The following TPCN1 variants were observed in gnomAD, a reference collection of about 807,000 sequenced individuals.
The protein encoded by TPCN1 is two pore segment channel 1.
TPCN1 carries 52 observed loss-of-function variants against 108.8 expected under a neutral mutation model. That is an observed-to-expected ratio of 0.48 (90% CI 0.38 to 0.60). TPCN1 has a LOEUF of 0.60. TPCN1 is among the 20% of genes least tolerant of loss of function. The pLI, the probability that TPCN1 is intolerant of heterozygous loss-of-function variation, is 0.00. For missense variants in TPCN1, 806 were observed against 1,072.8 expected (o/e 0.75, Z 3.47); for synonymous variants, 446 against 433.7 (o/e 1.03, Z -0.35).
intron 2 of TPCN1, among the ~76,000 whole-genome samples, chr12:113,242,111 G>C (rs1954162188): frequency 6.6e-6 from 1 of 152,236 alleles, no homozygotes; most frequent in African/African-American, 2.4e-5. Flanking sequence ...AGGAGGATTA[G>C]ACAATAAAAA....
chr12:113,274,254 A>T (rs745406589), intron 10 of TPCN1, among the ~76,000 whole-genome samples: 1 of 152,144 alleles, frequency 6.6e-6, no homozygotes, highest in Non-Finnish European at 1.5e-5. Context: ...GGAGTTCGAG[A>T]CCAGCCTGGC....
chr12:113,295,647 G>A (rs1261274845), intron 27 of TPCN1, among the ~76,000 whole-genome samples: 1 of 152,062 alleles, frequency 6.6e-6, no homozygotes, highest in Non-Finnish European at 1.5e-5. Context: ...CACTCGGGGG[G>A]CCCTTTAGTG....
rs1180597592 is a variant in TPCN1 at position 113,269,788 on chromosome 12, C to T, written c.691C>T (p.Pro231Ser). 2 of 1,613,996 alleles carry T rather than the reference C, an allele frequency of 1.2e-6. No individual in the cohort carries two copies. Among genetic ancestry groups the T allele is most frequent in the South Asian group, 1.1e-5 (1 of 91,084 alleles). The change falls in exon 7 of 28, where the codon CCC (proline) becomes TCC (serine). Residue 231 changes from proline (P) to serine (S), a missense_variant. Physicochemically the swap from Pro to Ser is moderately conservative, Grantham distance 74 (BLOSUM62 -1). Coordinates refer to ENST00000335509, the MANE Select transcript of TPCN1 (RefSeq NM_017901.6). The surrounding 1 kb of genome is among the most constrained non-coding windows in gnomAD (Gnocchi z 5.0). ...GCGGCAGATCTTCCAGTCCCTGCCG[C>T]CCTTCATGGACATCCTCCTGCTGCT... ...NLRQIFQSLP[P>S]FMDILLLLLF...
chr12:113,248,957 G>T (rs193069964), intron 2 of TPCN1, among the ~76,000 whole-genome samples: 1 of 152,216 alleles, frequency 6.6e-6, no homozygotes, highest in African/African-American at 2.4e-5. Context: ...CCACAGTGTG[G>T]CAGGGGAGCT....
At chr12:113,281,621 C>G (rs1242282888) in intron 15 of TPCN1, among the ~76,000 whole-genome samples, 3 of 152,154 alleles carry the variant, frequency 2.0e-5, no homozygotes, top group Admixed American at 6.5e-5. Context: ...TCACTGCAGC[C>G]TTGACCTCCC....
intron 22 of TPCN1, among the ~76,000 whole-genome samples, chr12:113,290,506 G>T (rs1250626505): frequency 6.6e-6 from 1 of 152,182 alleles, no homozygotes; most frequent in Non-Finnish European, 1.5e-5. Context: ...CCTTAGCTGG[G>T]CGGGGTCCCC....
At position 113,266,337 on chromosome 12, in the gene TPCN1, C is replaced by A. The variant is rs117386743; in HGVS notation, c.395C>A (p.Ala132Glu). 2.7e-3 allele frequency: 4,407 copies of A among 1,608,748 alleles called. 11 individuals carry two copies. The highest frequency in any genetic ancestry group is 3.3e-3 in the Non-Finnish European group (3,916 of 1,179,976). The change falls in exon 4 of 28, where the codon GCA becomes GAA. Residue 132 changes from alanine to glutamate, a missense_variant. By Grantham distance (107) the Ala-to-Glu change is moderately radical (BLOSUM62 -1). Transcript: ENST00000335509. This position sits in a 1 kb window ranked among gnomAD's most constrained non-coding sequence, Gnocchi z 4.2. ...LSLCEAPAVP[A>E]LRLGIYVHAT... The stretch of plus-strand genomic sequence containing the variant: ...CTGTGCGAGGCCCCCGCCGTCCCCG[C>A]ACTCCGGCTTGGCATCTATGTGAGC...
chr12:113,279,359 GTATATATATATATATATA>G lies in TPCN1; in HGVS notation c.1297+540_1297+557del, dbSNP rs1186995627. Among the ~76,000 whole-genome samples, 73 of 41,004 alleles carry G rather than the reference GTATATATATATATATATA, an allele frequency of 1.8e-3. 2 individuals are homozygous for G. The East Asian group carries it at 0.032, about 18-fold the overall frequency. The allele number at this position is 41,004 out of a possible 152,430, so 26.9% of individuals were successfully genotyped here. On this transcript the variant is annotated intron_variant, in intron 14 of 27. Transcript: ENST00000335509. ...TGTGTATATATATGTGTGTGTGTGT[GTATATATATATATATATA>G]TATATATATATATATTTTTTTTTTT...
chr12:113,223,435 C>CTTT (rs1172851714), intron 1 of TPCN1, among the ~76,000 whole-genome samples: 5 of 120,294 alleles, frequency 4.2e-5, no homozygotes, highest in East Asian at 2.5e-4. Context: ...TCTGCTGAGT[C>CTTT]TTTTTTTTTT....
At position 113,268,299 on chromosome 12, in the gene TPCN1, G is replaced by A. The variant is rs767527791; in HGVS notation, c.528+343G>A. On this transcript the variant is annotated intron_variant, in intron 5 of 27. Transcript: ENST00000335509. This position sits in a 1 kb window ranked among gnomAD's most constrained non-coding sequence, Gnocchi z 7.3. ...CCGGCTCACCTGTCCCTAGTGTTGC[G>A]CATATTCTCTCTGTGCCACAGAGAG... Among the ~76,000 whole-genome samples the A allele has an allele frequency of 1.2e-4, 19 of 152,192 alleles. No individual in the cohort carries two copies. Among genetic ancestry groups the A allele is most frequent in the Non-Finnish European group, 2.2e-4 (15 of 68,034 alleles).
Position 113,237,511 on chromosome 12 carries a change from C to T in TPCN1, c.112+10547C>T, listed in dbSNP as rs575985877. On this transcript the variant is annotated intron_variant, in intron 2 of 27. Transcript: ENST00000335509. ...AGCTGGGATTACAGGTGTGCACCACCGCACCCTGTTAATTTTTTTGTATTT... is the reference window on the plus strand; with the variant it reads ...AGCTGGGATTACAGGTGTGCACCACTGCACCCTGTTAATTTTTTTGTATTT... Among the ~76,000 whole-genome samples the T allele has an allele frequency of 8.5e-5, 13 of 152,234 alleles. No homozygotes were observed. In the East Asian group the frequency reaches 1.5e-3, roughly 18 times the overall value.
At chr12:113,260,799 C>T (rs1003963658) in intron 3 of TPCN1, among the ~76,000 whole-genome samples, 1 of 152,246 alleles carries the variant, frequency 6.6e-6, no homozygotes, top group African/African-American at 2.4e-5. Context: ...GCCACGTTCT[C>T]AGGAGGGAAT....
chr12:113,234,289 A>G (rs1344618601), intron 2 of TPCN1, among the ~76,000 whole-genome samples: 3 of 152,194 alleles, frequency 2.0e-5, no homozygotes, highest in African/African-American at 7.2e-5. Context: ...TACTTTTTCC[A>G]TCATGGTGGT....
chr12:113,265,241 G>T (rs1331579730), intron 3 of TPCN1, among the ~76,000 whole-genome samples: 1 of 152,232 alleles, frequency 6.6e-6, no homozygotes, highest in African/African-American at 2.4e-5. Flanking sequence ...TGAGCTGACT[G>T]TGTGGCAGAC....
intron 2 of TPCN1, among the ~76,000 whole-genome samples, chr12:113,259,098 T>G (rs1442434842): frequency 2.0e-5 from 3 of 151,832 alleles, no homozygotes; most frequent in Non-Finnish European, 4.4e-5. Flanking sequence ...TGCCTCAGCC[T>G]CCTGAGTAGC....
At chr12:113,271,441 C>T (rs961895615) in intron 7 of TPCN1, among the ~76,000 whole-genome samples, 1 of 152,150 alleles carries the variant, frequency 6.6e-6, no homozygotes, top group Non-Finnish European at 1.5e-5. Flanking sequence ...TTCCCATGCA[C>T]GTCTTTATAT....
rs913825560 is a variant in TPCN1 at position 113,232,907 on chromosome 12, G to A, written c.112+5943G>A. Among the ~76,000 whole-genome samples, 6 of 152,192 alleles carry A rather than the reference G, an allele frequency of 3.9e-5. No homozygotes were observed. The highest frequency in any genetic ancestry group is 8.8e-5 in the Non-Finnish European group (6 of 68,034). On this transcript the variant is annotated intron_variant, in intron 2 of 27. Coordinates refer to ENST00000335509, the MANE Select transcript of TPCN1 (RefSeq NM_017901.6). This position sits in a 1 kb window ranked among gnomAD's most constrained non-coding sequence, Gnocchi z 5.6. ...GCCCCTGCCAAGCTGGGACGCCTCC[G>A]TGTAGCAGCTGGAGACCAAGCAGCA...
Position 113,293,307 on chromosome 12 carries a change from C to T in TPCN1, c.2292C>T (p.Thr764=), listed in dbSNP as rs1359079593. The change falls in exon 27 of 28, where the codon ACC becomes ACT. Residue 764 remains threonine (T), a synonymous_variant. Transcript: ENST00000335509. ...SMVFLGRRSR[T]KSDLSLKMYQ... is the part of the protein sequence containing the mutation. ...TGTTTCTGGGACGGCGATCAAGGAC[C>T]AAGAGCGACCTGAGCCTGAAGATGT... 6.2e-7 allele frequency: 1 copy of T among 1,614,084 alleles called. No individual in the cohort carries two copies.
At chr12:113,290,385 T>G (rs1593211710) in intron 22 of TPCN1, 142 bp downstream of exon 22, 1 of 649,378 alleles carries the variant, frequency 1.5e-6, no homozygotes, top group Admixed American at 2.4e-5. Context: ...GAGGACTTGG[T>G]CTGCCCAGCT....
Sources: allele counts gnomAD v4.1 joint callset (sites outside exome capture counted in the v4.1 genomes callset), GRCh38; gene constraint gnomAD v4.1.1; non-coding constraint Gnocchi (gnomAD v3.1); transcripts MANE v1.5; gene names NCBI Gene and HGNC (gene_info 2026-07-23, HGNC 2026-07-21).